The following MARCHF1 variants were observed in gnomAD, a reference collection of about 807,000 sequenced individuals.
MARCHF1 encodes membrane associated ring-CH-type finger 1, also known as E3 ubiquitin-protein ligase MARCHF1.
Under a neutral mutation model 54.2 loss-of-function variants are expected in MARCHF1, and 40 were observed. The ratio of observed to expected loss-of-function variants is 0.74; its 90% CI spans 0.57 to 0.96. The LOEUF is 0.96. MARCHF1 is among the 40% of genes least tolerant of loss of function. MARCHF1 has a pLI of 0.00. For synonymous variants in MARCHF1, 236 were observed against 236.3 expected (o/e 1.00, Z 0.01); for missense variants, 586 against 656.5 (o/e 0.89, Z 1.17).
intron 8 of MARCHF1, among the ~76,000 whole-genome samples, chr4:163,546,801 T>C (rs1268949519): frequency 6.6e-6 from 1 of 152,214 alleles, no homozygotes; most frequent in East Asian, 1.9e-4. Flanking sequence ...GCAAGTTTTA[T>C]TGAAGTTATG....
chr4:164,045,496 A>T (rs1385281195), intron 2 of MARCHF1, among the ~76,000 whole-genome samples: 1 of 148,536 alleles, frequency 6.7e-6, no homozygotes, highest in East Asian at 2.0e-4. Flanking sequence ...TGGGTGGTGG[A>T]GTGAGACTCC....
intron 5 of MARCHF1, among the ~76,000 whole-genome samples, chr4:163,664,882 C>A (rs1743476793): frequency 6.6e-6 from 1 of 150,604 alleles, no homozygotes; most frequent in Non-Finnish European, 1.5e-5. Flanking sequence ...TTCAAAGGCC[C>A]AAGAAAGCAT....
At chr4:164,230,457 T>A (rs975779027) in intron 1 of MARCHF1, among the ~76,000 whole-genome samples, 4 of 151,938 alleles carry the variant, frequency 2.6e-5, no homozygotes, top group Admixed American at 2.6e-4. Flanking sequence ...AACATTTTGA[T>A]AGATGTATAT....
At chr4:164,006,487 C>T (rs1753291205) in intron 2 of MARCHF1, among the ~76,000 whole-genome samples, 1 of 151,968 alleles carries the variant, frequency 6.6e-6, no homozygotes, top group Non-Finnish European at 1.5e-5. Context: ...AGAAAATTAC[C>T]TCAAATTAAC....
rs369295884 is a variant in MARCHF1, at chr4:163,528,760, A to T, written c.1626T>A (p.Val542=). 1 of 1,610,220 alleles carries T rather than the reference A, an allele frequency of 6.2e-7. No homozygotes were observed. Among genetic ancestry groups the T allele is most frequent in the Non-Finnish European group, 8.5e-7 (1 of 1,177,534 alleles). The part of the protein sequence containing the change: ...LPSAEGGPPE[V]VSV ...CCAACAGGTTCCATCAGACTGATAC[A>T]ACTTCAGGGGGGCCACCCTCTGCAG... Residue 542 remains valine (V), a synonymous_variant, in exon 10 of 10, where the codon GTT becomes GTA. Coordinates refer to ENST00000514618, the MANE Select transcript of MARCHF1 (RefSeq NM_001394959.1).
chr4:163,854,065 C>A lies in MARCHF1; in HGVS notation c.67G>T (p.Glu23Ter), dbSNP rs772117721. The A allele has an allele frequency of 6.5e-7, 1 of 1,536,880 alleles. No individual in the cohort carries two copies. Among genetic ancestry groups the A allele is most frequent in the East Asian group, 2.4e-5 (1 of 40,900 alleles). The change falls in exon 4 of 10, where the codon GAG becomes TAG. Residue 23 changes from glutamate (E) to a stop codon, truncating the protein, a stop_gained. Coordinates refer to ENST00000514618, the MANE Select transcript of MARCHF1 (RefSeq NM_001394959.1). LOFTEE classifies it high-confidence loss of function. ...GCGTCAGCCAAATCCCCTGAGATCTCGGGTGTTCGCGTGTTGTTTGGAATT... is the reference window on the plus strand; with the variant it reads ...GCGTCAGCCAAATCCCCTGAGATCTAGGGTGTTCGCGTGTTGTTTGGAATT... ...HRIPNNTRTPEISGDLADASQ... is the reference protein window; with the variant it reads ...HRIPNNTRTP
chr4:163,694,467 C>T lies in MARCHF1; in HGVS notation c.162+6346G>A, dbSNP rs542168703. Among the ~76,000 whole-genome samples, 27 of 152,274 alleles carry T rather than the reference C, an allele frequency of 1.8e-4. 1 individual carries two copies. The highest frequency in any genetic ancestry group is 8.3e-4 in the South Asian group (4 of 4,826). On this transcript the variant is annotated intron_variant, in intron 5 of 9. Coordinates refer to ENST00000514618, the MANE Select transcript of MARCHF1 (RefSeq NM_001394959.1). ...TACTGGAGGATGAAAGCCTTGCTCC[C>T]TTGCCTCAAGAGGGGACAAAGTGAA... is the stretch of plus-strand genomic sequence containing the variant.
chr4:163,964,405 C>T lies in MARCHF1; in HGVS notation c.-39+24096G>A, dbSNP rs528714942. ...TAATTACTACAAACAGTGTGAGTTA[C>T]GTTATGACAGTTTTTTTCCACCTGG... On this transcript the variant is annotated intron_variant, in intron 3 of 9. Coordinates refer to ENST00000514618, the MANE Select transcript of MARCHF1 (RefSeq NM_001394959.1). Among the ~76,000 whole-genome samples, 69 of 151,870 alleles carry T rather than the reference C, an allele frequency of 4.5e-4. 1 individual carries two copies. The South Asian group carries it at 0.014, about 31-fold the overall frequency.
intron 1 of MARCHF1, among the ~76,000 whole-genome samples, chr4:164,225,642 C>T (rs1237485196): frequency 1.3e-5 from 2 of 151,994 alleles, no homozygotes; most frequent in African/African-American, 4.8e-5. Flanking sequence ...CCACTACAAT[C>T]ATACTAGAAT....
At chr4:163,755,968 C>A (rs1746654807) in intron 4 of MARCHF1, among the ~76,000 whole-genome samples, 1 of 152,100 alleles carries the variant, frequency 6.6e-6, no homozygotes, top group South Asian at 2.1e-4. Context: ...CCAATCTCAC[C>A]CCCTCTAATA....
intron 2 of MARCHF1, among the ~76,000 whole-genome samples, chr4:164,075,648 T>C (rs1754961594): frequency 6.6e-6 from 1 of 152,230 alleles, no homozygotes; most frequent in South Asian, 2.1e-4. Context: ...TAGGTCAAAG[T>C]CTAAGTGATA....
chr4:164,045,704 A>T (rs1182383238), intron 2 of MARCHF1, among the ~76,000 whole-genome samples: 3 of 144,722 alleles, frequency 2.1e-5, no homozygotes, highest in Non-Finnish European at 4.6e-5. Context: ...AGCAAAATAC[A>T]CCGTTCTAAC....
intron 1 of MARCHF1, among the ~76,000 whole-genome samples, chr4:164,347,981 C>T (rs1730158391): frequency 6.6e-6 from 1 of 152,028 alleles, no homozygotes; most frequent in African/African-American, 2.4e-5. Flanking sequence ...TTTCCTAATC[C>T]TATCAGACTT....
Position 164,128,351 on chromosome 4 carries a change from A to G in MARCHF1, c.-322-16689T>C, listed in dbSNP as rs558649104. On this transcript the variant is annotated intron_variant, in intron 1 of 9. Coordinates refer to ENST00000514618, the MANE Select transcript of MARCHF1 (RefSeq NM_001394959.1). ...ATTTTTAAAATGACAAAAATTCAACATGCAAATTCAAAAGATAAAACTGAA... is the reference window on the plus strand; with the variant it reads ...ATTTTTAAAATGACAAAAATTCAACGTGCAAATTCAAAAGATAAAACTGAA... Among the ~76,000 whole-genome samples the G allele has an allele frequency of 2.0e-5, 3 of 152,272 alleles. No homozygotes were observed. In the South Asian group the frequency reaches 6.2e-4, roughly 32 times the overall value.
chr4:164,379,515 CAAG>C (rs770838699), intron 1 of MARCHF1, among the ~76,000 whole-genome samples: 55 of 152,192 alleles, frequency 3.6e-4, no homozygotes, highest in Non-Finnish European at 6.6e-4. Flanking sequence ...TCCACAAATT[CAAG>C]AAGCTCTGCA....
chr4:163,838,275 C>A (rs1749244939), intron 4 of MARCHF1, among the ~76,000 whole-genome samples: 2 of 152,068 alleles, frequency 1.3e-5, no homozygotes, highest in South Asian at 4.1e-4. Context: ...TCCTCCCATG[C>A]ACTTTAAATC....
chr4:164,362,514 A>C (rs1730751236), intron 1 of MARCHF1, among the ~76,000 whole-genome samples: 1 of 152,148 alleles, frequency 6.6e-6, no homozygotes, highest in South Asian at 2.1e-4. Context: ...ATTTATTGAC[A>C]CATAGATGCC....
intron 5 of MARCHF1, among the ~76,000 whole-genome samples, chr4:163,644,973 C>A (rs1234896569): frequency 6.6e-6 from 1 of 152,168 alleles, no homozygotes; most frequent in African/African-American, 2.4e-5. Flanking sequence ...CAGCTGTAGA[C>A]CCTGAAGCAG....
intron 3 of MARCHF1, among the ~76,000 whole-genome samples, chr4:163,934,263 AAAC>A (rs1238681861): frequency 6.6e-6 from 1 of 152,140 alleles, no homozygotes; most frequent in African/African-American, 2.4e-5. Flanking sequence ...TATATTTTAT[AAAC>A]AACAACAACA....
Sources: allele counts gnomAD v4.1 joint callset (sites outside exome capture counted in the v4.1 genomes callset), GRCh38; gene constraint gnomAD v4.1.1; transcripts MANE v1.5; gene names NCBI Gene and HGNC (gene_info 2026-07-23, HGNC 2026-07-21).